ATR: variants seen among roughly 807,000 people sequenced by gnomAD.
ATR encodes the protein serine/threonine-protein kinase ATR.
Under a neutral mutation model 305.3 loss-of-function variants are expected in ATR, and 142 were observed. The ratio of observed to expected loss-of-function variants is 0.47; its 90% CI spans 0.41 to 0.53. The LOEUF (loss-of-function observed/expected upper bound fraction) is 0.53. ATR is among the 20% of genes least tolerant of loss of function. The pLI is 0.00. For missense variants in ATR, 2,135 were observed against 3,133.1 expected, an observed-to-expected ratio of 0.68 and a Z score of 7.60; for synonymous variants, 1,050 against 1,068.1, an observed-to-expected ratio of 0.98 and a Z score of 0.33.
chr3:142,562,795 C>A lies in ATR; in HGVS notation c.607G>T (p.Glu203Ter), dbSNP rs2108488120. Residue 203 changes from glutamate to a stop codon, truncating the protein, a stop_gained, in exon 4 of 47, where the codon GAA becomes TAA. Coordinates refer to ENST00000350721, the MANE Select transcript of ATR (RefSeq NM_001184.4). LOFTEE classifies it high-confidence loss of function. ...PLQLMSMQNLEFIEVTLLMVL... is the reference protein window; with the variant it reads ...PLQLMSMQNL Reference sequence around the variant, plus strand: ...ATTAATAAAGTGACTTCAATAAATTCTAAATTTTGCATACTCATCAACTGC... The same window carrying A: ...ATTAATAAAGTGACTTCAATAAATTATAAATTTTGCATACTCATCAACTGC... 1 of 1,606,450 alleles carries A rather than the reference C, an allele frequency of 6.2e-7. No homozygotes were observed. The highest frequency in any genetic ancestry group is 1.1e-5 in the South Asian group (1 of 89,504).
chr3:142,566,463 A>C (rs2035075591), intron 2 of ATR, among the ~76,000 whole-genome samples: 1 of 151,840 alleles, frequency 6.6e-6, no homozygotes, highest in Non-Finnish European at 1.5e-5. Context: ...TACAAAAAAA[A>C]TTTTTCTTAA....
intron 30 of ATR, among the ~76,000 whole-genome samples, chr3:142,501,747 T>C (rs773706744): frequency 6.6e-6 from 1 of 151,962 alleles, no homozygotes; most frequent in African/African-American, 2.4e-5. Context: ...ATGGCTACTA[T>C]TATTATTATT....
chr3:142,557,021 C>T (rs192276379), intron 8 of ATR, among the ~76,000 whole-genome samples: 3 of 152,146 alleles, frequency 2.0e-5, no homozygotes, highest in Admixed American at 2.0e-4. Flanking sequence ...ACTCTATAAC[C>T]CAACAATACT....
intron 36 of ATR, among the ~76,000 whole-genome samples, chr3:142,474,278 A>C (rs1006669136): frequency 1.3e-5 from 2 of 152,102 alleles, no homozygotes; most frequent in Non-Finnish European, 2.9e-5. Flanking sequence ...AGAATAAGCT[A>C]TTGGAATTCT....
chr3:142,533,451 G>A (rs2108420456), intron 21 of ATR, among the ~76,000 whole-genome samples: 1 of 152,252 alleles, frequency 6.6e-6, no homozygotes, highest in Non-Finnish European at 1.5e-5. Context: ...TCACAGAAAG[G>A]TCCTTTGGAC....
At chr3:142,451,608 CT>C in intron 46 of ATR, 1 of 1,285,622 alleles carries the variant, frequency 7.8e-7, no homozygotes, top group Non-Finnish European at 1.0e-6. Context: ...TGCCAAGGGT[CT>C]CACTCTGTTG....
intron 13 of ATR, among the ~76,000 whole-genome samples, chr3:142,552,509 A>G (rs1010944594): frequency 6.6e-6 from 1 of 151,990 alleles, no homozygotes; most frequent in African/African-American, 2.4e-5. Flanking sequence ...ATCTCTACTA[A>G]AAATACAAAA....
Position 142,519,804 on chromosome 3 carries a change from A to G in ATR, c.4267-20T>C, listed in dbSNP as rs575945539. 3 of 1,523,074 alleles carry G rather than the reference A, an allele frequency of 2.0e-6. No individual in the cohort carries two copies. In the East Asian group the frequency reaches 6.8e-5, roughly 34 times the overall value. 94.3% of individuals were successfully genotyped at this position (1,523,074 alleles called of 1,614,324 possible). A position where few individuals can be genotyped will look rare whatever the true frequency, so the allele number is the denominator to read the frequency against. The stretch of plus-strand genomic sequence containing the variant: ...CAACTCCTACAAATACATATTTTAC[A>G]TTTGTAAGTCCACAGTGAAGCAGAT... On this transcript the variant is annotated intron_variant, in intron 23 of 46. Coordinates refer to ENST00000350721, the MANE Select transcript of ATR (RefSeq NM_001184.4).
Position 142,558,758 on chromosome 3 carries a change from T to A in ATR, c.1751A>T (p.Asp584Val), listed in dbSNP as rs1291289916. The A allele has an allele frequency of 6.2e-7, 1 of 1,609,274 alleles. No individual in the cohort carries two copies. The highest frequency in any genetic ancestry group is 8.5e-7 in the Non-Finnish European group (1 of 1,176,726). Residue 584 changes from aspartate to valine, a missense_variant, in exon 8 of 47, where the codon GAT becomes GTT. Around this residue, in one of 9 missense-constraint regions of ATR, gnomAD observed 744 missense variants for 873.2 expected, o/e 0.85. Coordinates refer to ENST00000350721, the MANE Select transcript of ATR (RefSeq NM_001184.4). Reference sequence around the variant, plus strand: ...ACCACATAAATCTTCCAGGATATGATCTTCAAATGAACTGTTTACTACAGA... The same window carrying A: ...ACCACATAAATCTTCCAGGATATGAACTTCAAATGAACTGTTTACTACAGA... ...IYMQVNSSFE[D>V]HILEDLCGML...
At chr3:142,522,668 TACA>T (rs2033197283) in intron 23 of ATR, 57 bp downstream of exon 23, 12 of 1,362,818 alleles carry the variant, frequency 8.8e-6, no homozygotes, top group Admixed American at 1.7e-5. Flanking sequence ...GTATAGAATT[TACA>T]ACGTTCTTAT....
rs2108261591 is a variant in ATR at position 142,459,289 on chromosome 3, C to T, written c.7287G>A (p.Leu2429=). The change falls in exon 43 of 47, where the codon CTG becomes CTA. Residue 2429 remains leucine, a synonymous_variant. Coordinates refer to ENST00000350721, the MANE Select transcript of ATR (RefSeq NM_001184.4). ...EKLKVFREFL[L]PRHPPIFHEW... is the part of the protein sequence containing the mutation. ...CATGAAAAATAGGAGGATGCCTGGG[C>T]AGGAGAAATTCTCGGAATACTTTGA... 6.2e-7 allele frequency: 1 copy of T among 1,613,940 alleles called. No individual in the cohort carries two copies. Among genetic ancestry groups the T allele is most frequent in the African/African-American group, 1.3e-5 (1 of 75,026 alleles).
chr3:142,555,964 C>G lies in ATR; in HGVS notation c.2254G>C (p.Glu752Gln), dbSNP rs2108470768. Residue 752 changes from glutamate (E) to glutamine (Q), a missense_variant, in exon 10 of 47, where the codon GAA becomes CAA. Transcript: ENST00000350721. ...GCTTTTAGTTGAGAAGATGAACATT[C>G]ATGTTGAGAAGTGGCTTTCAAGTTC... ...CRNLKATSQHECSSSQLKASV... is the reference protein window; with the variant it reads ...CRNLKATSQHQCSSSQLKASV... 6.2e-7 allele frequency: 1 copy of G among 1,613,698 alleles called. No homozygotes were observed. The highest frequency in any genetic ancestry group is 8.5e-7 in the Non-Finnish European group (1 of 1,179,892).
intron 21 of ATR, among the ~76,000 whole-genome samples, chr3:142,532,146 G>A (rs931357263): frequency 3.3e-5 from 5 of 152,130 alleles, no homozygotes; most frequent in Admixed American, 2.0e-4. Context: ...AGATGAACCC[G>A]GTACCTCAGT....
intron 2 of ATR, 127 bp from the exon 3 acceptor site, chr3:142,566,388 G>A: frequency 9.8e-7 from 1 of 1,022,538 alleles, no homozygotes; most frequent in Non-Finnish European, 1.5e-6. Context: ...GGAGGCTGAA[G>A]TGGGCGGATC....
chr3:142,549,707 A>G (rs776799011), intron 14 of ATR, 34 bp from the exon 15 acceptor site: 7 of 1,595,882 alleles, frequency 4.4e-6, no homozygotes, highest in Non-Finnish European at 6.0e-6. Context: ...CAAAAAGTAC[A>G]TTTGTCTGGG....
At chr3:142,538,397 G>T in intron 19 of ATR, 85 bp downstream of exon 19, 1 of 1,442,524 alleles carries the variant, frequency 6.9e-7, no homozygotes, top group South Asian at 1.3e-5. Context: ...AAAAGTGACA[G>T]TTTCCACATT....
Position 142,512,292 on chromosome 3 carries a change from C to T in ATR, c.4820G>A (p.Ser1607Asn), listed in dbSNP as rs55724025. The change falls in exon 27 of 47, where the codon AGC becomes AAC. Residue 1607 changes from serine to asparagine, a missense_variant. This residue lies in a region of ATR where 202 missense variants were observed against 252.9 expected (regional missense o/e 0.80). Coordinates refer to ENST00000350721, the MANE Select transcript of ATR (RefSeq NM_001184.4). Reference protein sequence around the residue: ...QALKAEKCPHSKSNRNKVDSM... With the variant: ...QALKAEKCPHNKSNRNKVDSM... ...GTCTACCTTATTTCTGTTTGATTTG[C>T]TGTGTGGACATTTCTCAGCTTTCAG... The T allele has an allele frequency of 6.8e-4, 1,082 of 1,601,144 alleles. 5 individuals are homozygous for T. In the African/African-American group the frequency reaches 0.013, roughly 20 times the overall value.
At chr3:142,483,332 C>T (rs148665223) in intron 36 of ATR, among the ~76,000 whole-genome samples, 2 of 151,006 alleles carry the variant, frequency 1.3e-5, no homozygotes, top group East Asian at 3.9e-4. Context: ...TGTTTCTTAG[C>T]AATTAATAAT....
chr3:142,487,947 A>G (rs1399652743), intron 35 of ATR, among the ~76,000 whole-genome samples: 2 of 152,202 alleles, frequency 1.3e-5, no homozygotes, highest in Non-Finnish European at 2.9e-5. Context: ...TTGGTTATTC[A>G]CAGTTTGCCC....
Sources: allele counts gnomAD v4.1 joint callset (sites outside exome capture counted in the v4.1 genomes callset), GRCh38; gene constraint gnomAD v4.1.1; regional missense constraint gnomAD v4.1.1; transcripts MANE v1.5; gene names NCBI Gene and HGNC (gene_info 2026-07-23, HGNC 2026-07-21).